Variants in ITGA6 observed in about 807,000 individuals in gnomAD.
ITGA6 encodes integrin subunit alpha 6.
A neutral mutation model predicts 133.6 loss-of-function variants in ITGA6; 63 were observed. That is an observed-to-expected ratio of 0.47 (90% CI 0.38 to 0.58). ITGA6 has a LOEUF of 0.58. Ranked by LOEUF, ITGA6 falls within the 20% of genes least tolerant of loss-of-function variation. ITGA6 has a pLI of 0.00. For synonymous variants in ITGA6, 434 were observed against 482.0 expected, an observed-to-expected ratio of 0.90 and a Z score of 1.30; for missense variants, 1,068 against 1,309.4, an observed-to-expected ratio of 0.82 and a Z score of 2.85.
intron 1 of ITGA6, among the ~76,000 whole-genome samples, chr2:172,452,785 A>G (rs1205578006): frequency 6.6e-6 from 1 of 152,208 alleles, no homozygotes; most frequent in African/African-American, 2.4e-5. Context: ...AGTTACAGAT[A>G]AGGGCATCTG....
intron 24 of ITGA6, among the ~76,000 whole-genome samples, chr2:172,499,777 A>G (rs933853070): frequency 6.6e-6 from 1 of 152,216 alleles, no homozygotes; most frequent in Non-Finnish European, 1.5e-5. Flanking sequence ...GCAGCCTTTA[A>G]TGAGGGTGAG....
At chr2:172,483,830 GA>G (rs1267917011) in intron 11 of ITGA6, among the ~76,000 whole-genome samples, 2 of 151,446 alleles carry the variant, frequency 1.3e-5, no homozygotes, top group African/African-American at 4.9e-5. Context: ...TTATTTTTTT[GA>G]GAAAGTTTTG....
intron 1 of ITGA6, among the ~76,000 whole-genome samples, chr2:172,448,534 A>G (rs112340038): frequency 6.6e-6 from 1 of 152,224 alleles, no homozygotes; most frequent in African/African-American, 2.4e-5. Context: ...AGTACCTAAT[A>G]TGAGAGCATA....
intron 1 of ITGA6, among the ~76,000 whole-genome samples, chr2:172,452,633 A>C (rs897761048): frequency 1.3e-5 from 2 of 152,210 alleles, no homozygotes; most frequent in Admixed American, 6.5e-5. Context: ...CCAGTTACCA[A>C]CATTCAAAAT....
chr2:172,469,442 G>GTACCATGATTTAT, intron 4 of ITGA6, 62 bp downstream of exon 4: 1 of 1,489,510 alleles, frequency 6.7e-7, no homozygotes, highest in East Asian at 2.3e-5. Context: ...ATATGATTTA[G>GTACCATGATTTAT]TACATTTTGA....
chr2:172,464,987 A>G (rs1685587244), intron 1 of ITGA6, among the ~76,000 whole-genome samples: 1 of 152,192 alleles, frequency 6.6e-6, no homozygotes, highest in African/African-American at 2.4e-5. Flanking sequence ...CTGCAAGTGA[A>G]TAATTCAGTC....
At chr2:172,460,837 T>C (rs934718772) in intron 1 of ITGA6, among the ~76,000 whole-genome samples, 5 of 152,238 alleles carry the variant, frequency 3.3e-5, no homozygotes, top group Non-Finnish European at 7.3e-5. Flanking sequence ...AATAGTGTTC[T>C]TGTTCTAATG....
At chr2:172,480,379 A>AGGTGGTG (rs1264861563) in intron 11 of ITGA6, among the ~76,000 whole-genome samples, 13 of 151,912 alleles carry the variant, frequency 8.6e-5, no homozygotes, top group Admixed American at 4.6e-4. Context: ...TGTGGTTGTG[A>AGGTGGTG]GGTGGTGGGT....
intron 11 of ITGA6, among the ~76,000 whole-genome samples, chr2:172,480,381 G>A (rs1686383667): frequency 6.6e-6 from 1 of 152,050 alleles, no homozygotes; most frequent in Admixed American, 6.5e-5. Context: ...TGGTTGTGAG[G>A]TGGTGGGTGG....
chr2:172,498,696 G>C (rs562638776), intron 24 of ITGA6, among the ~76,000 whole-genome samples: 25 of 152,286 alleles, frequency 1.6e-4, no homozygotes, highest in African/African-American at 6.0e-4. Context: ...GATTCTACCA[G>C]TAAAGAGTCT....
At chr2:172,461,893 AG>A (rs1685440560) in intron 1 of ITGA6, among the ~76,000 whole-genome samples, 1 of 152,208 alleles carries the variant, frequency 6.6e-6, no homozygotes, top group East Asian at 1.9e-4. Context: ...GACCTAGATT[AG>A]GAAGTAGATA....
intron 1 of ITGA6, among the ~76,000 whole-genome samples, chr2:172,453,053 A>C (rs1685070202): frequency 6.6e-6 from 1 of 152,228 alleles, no homozygotes; most frequent in African/African-American, 2.4e-5. Flanking sequence ...GCAGTCACTT[A>C]GCAAGGAGCT....
Position 172,484,889 on chromosome 2 carries a change from ACT to A in ITGA6, c.1660_1661del (p.Leu554GlufsTer18). 6.2e-7 allele frequency: 1 copy of A among 1,614,228 alleles called. No individual in the cohort carries two copies. Among genetic ancestry groups the A allele is most frequent in the Non-Finnish European group, 8.5e-7 (1 of 1,180,018 alleles). On this transcript the variant is annotated frameshift_variant, in exon 12 of 26. Coordinates refer to ENST00000684293, the MANE Select transcript of ITGA6 (RefSeq NM_000210.4). LOFTEE classifies it high-confidence loss of function. ...TGAGCCCAAATATACTCAAGAACTA[ACT>A]CTGAAGAGGCAGAAACAGAAAGTGT... is the stretch of plus-strand genomic sequence containing the variant. ...GSEPKYTQELTLKRQKQKVCM... is the reference protein window; with the variant it reads ...GSEPKYTQELXLKRQKQKVCM...
At chr2:172,450,369 G>A (rs1461021624) in intron 1 of ITGA6, among the ~76,000 whole-genome samples, 1 of 152,212 alleles carries the variant, frequency 6.6e-6, no homozygotes, top group Non-Finnish European at 1.5e-5. Flanking sequence ...CAGGTATGAT[G>A]TGATGGTGAC....
At chr2:172,444,062 C>T (rs1684650978) in intron 1 of ITGA6, among the ~76,000 whole-genome samples, 1 of 152,196 alleles carries the variant, frequency 6.6e-6, no homozygotes, top group African/African-American at 2.4e-5. Flanking sequence ...GAGTGAGCCA[C>T]CATGCCTGGC....
At chr2:172,432,850 T>C (rs1283015725) in intron 1 of ITGA6, among the ~76,000 whole-genome samples, 1 of 152,204 alleles carries the variant, frequency 6.6e-6, no homozygotes, top group East Asian at 1.9e-4. Context: ...ATAGAGATCT[T>C]TCTGAAAGCA....
Position 172,472,758 on chromosome 2 carries a change from C to T in ITGA6, c.776-1297C>T, listed in dbSNP as rs754119172. ...TACTTTTTCTTCAATTTCTTCCGTCCCGTGCATGCGTACAGGCCTGCTGTT... is the reference window on the plus strand; with the variant it reads ...TACTTTTTCTTCAATTTCTTCCGTCTCGTGCATGCGTACAGGCCTGCTGTT... On this transcript the variant is annotated intron_variant, in intron 5 of 25. Transcript: ENST00000684293. 12 of 1,499,444 alleles carry T rather than the reference C, an allele frequency of 8.0e-6. 1 individual carries two copies. In the South Asian group the frequency reaches 1.4e-4, roughly 17 times the overall value. The allele number at this position is 1,499,444 out of a possible 1,614,324, so 92.9% of individuals were successfully genotyped here.
rs1491455226 is a variant in ITGA6, at chr2:172,459,508, AAG to A, written c.183-6029_183-6028del. 7.2e-5 allele frequency among the ~76,000 whole-genome samples: 11 copies of A among 152,312 alleles called. No homozygotes were observed. The East Asian group carries it at 1.5e-3, about 21-fold the overall frequency. Reference sequence around the variant, plus strand: ...AACAGAGAGAGACTGTCTCAAAAAAAAGAAGTTACCCTTTTGAGAGTCAGACT... The same window carrying A: ...AACAGAGAGAGACTGTCTCAAAAAAAAAGTTACCCTTTTGAGAGTCAGACT... On this transcript the variant is annotated intron_variant, in intron 1 of 25. Coordinates refer to ENST00000684293, the MANE Select transcript of ITGA6 (RefSeq NM_000210.4).
intron 1 of ITGA6, among the ~76,000 whole-genome samples, chr2:172,446,743 G>C (rs766203472): frequency 6.6e-6 from 1 of 152,206 alleles, no homozygotes; most frequent in Admixed American, 6.5e-5. Context: ...GCTGCCTTGT[G>C]AAACTGAAAG....
Sources: allele counts gnomAD v4.1 joint callset (sites outside exome capture counted in the v4.1 genomes callset), GRCh38; gene constraint gnomAD v4.1.1; transcripts MANE v1.5; gene names NCBI Gene and HGNC (gene_info 2026-07-23, HGNC 2026-07-21).